NOC2L: variants seen among roughly 807,000 people sequenced by gnomAD.
NOC2L encodes the protein nucleolar complex protein 2 homolog.
In NOC2L, 101 loss-of-function variants were observed where a neutral mutation model predicts 94.2. That is an observed-to-expected ratio of 1.07 (90% CI 0.91 to 1.26). The LOEUF is 1.26. Ranked by LOEUF, NOC2L falls within the 50% of genes most tolerant of loss-of-function variation. NOC2L has a pLI of 0.00. For synonymous variants in NOC2L, 531 were observed against 413.4 expected (o/e 1.28, Z -3.45); for missense variants, 1,076 against 980.1 (o/e 1.10, Z -1.31).
chr1:958,878 G>C, intron 2 of NOC2L, 51 bp downstream of exon 2: 3 of 1,606,122 alleles, frequency 1.9e-6, no homozygotes, highest in Non-Finnish European at 1.7e-6. Flanking sequence ...CAACCCAACC[G>C]GGGTGGGACA....
chr1:947,752 G>A (rs375636801), intron 14 of NOC2L, among the ~76,000 whole-genome samples: 20 of 152,308 alleles, frequency 1.3e-4, no homozygotes, highest in African/African-American at 4.8e-4. Flanking sequence ...CCTGCCACCT[G>A]AGAAGCCACT....
At chr1:951,877 A>G (rs1198629514) in intron 11 of NOC2L, 123 bp downstream of exon 11, 5 of 1,116,068 alleles carry the variant, frequency 4.5e-6, no homozygotes, top group Non-Finnish European at 1.3e-6. Flanking sequence ...GCCCTTCCTC[A>G]GGGACGGCCA....
In NOC2L at chr1:951,993, A is replaced by G. The variant is rs1169341709; in HGVS notation, c.1331+7T>C. The G allele has an allele frequency of 3.1e-6, 5 of 1,610,448 alleles. No individual in the cohort carries two copies. The highest frequency in any genetic ancestry group is 1.1e-5 in the South Asian group (1 of 90,816). ...TCCCGCACAACCCTGCCCACCCCAC[A>G]ACTCACTTGATACAGCCAATGATGA... On this transcript the variant is annotated splice_region_variant and intron_variant, in intron 11 of 18. Coordinates refer to ENST00000327044, the MANE Select transcript of NOC2L (RefSeq NM_015658.4).
chr1:949,174 A>G (rs1487261067), intron 12 of NOC2L, among the ~76,000 whole-genome samples: 2 of 38,774 alleles, frequency 5.2e-5, no homozygotes, highest in African/African-American at 9.3e-5. Flanking sequence ...AGGAGCAGAG[A>G]AAGAGTCAGC....
chr1:958,887 C>G (rs780471909), intron 2 of NOC2L, 42 bp downstream of exon 2: 5 of 1,611,366 alleles, frequency 3.1e-6, no homozygotes, highest in Admixed American at 1.7e-5. Flanking sequence ...CGGGGTGGGA[C>G]AGGACGAGCA....
In NOC2L at chr1:946,485, G is replaced by A; in HGVS notation, c.1720C>T (p.Leu574Phe). 2.5e-6 allele frequency: 4 copies of A among 1,613,288 alleles called. No homozygotes were observed. In the South Asian group the frequency reaches 3.3e-5, roughly 13 times the overall value. ...GCCGAGTTCTCCTGAACCTTCCCAA[G>A]CAGCTGCTGCACCTGCCGGCAGTAG... is the stretch of plus-strand genomic sequence containing the variant. ...ANYCRQVQQL[L>F]GKVQENSAYI... Residue 574 changes from leucine to phenylalanine, a missense_variant, in exon 15 of 19, where the codon CTT becomes TTT. Leu to Phe is a conservative substitution (Grantham distance 22). This residue lies in a region of NOC2L where 615 missense variants were observed against 577.4 expected (regional missense o/e 1.07). Transcript: ENST00000327044.
intron 4 of NOC2L, 25 bp from the exon 5 acceptor site, chr1:956,240 C>A (rs192262159): frequency 0.015 from 23,589 of 1,610,356 alleles, 213 homozygotes; most frequent in Non-Finnish European, 0.018. Flanking sequence ...GTACCAGGGG[C>A]GTCAGGGGAG....
In NOC2L at chr1:953,272, C is replaced by T. The variant is rs1216007315; in HGVS notation, c.905G>A (p.Trp302Ter). 12 of 1,593,932 alleles carry T rather than the reference C, an allele frequency of 7.5e-6. No homozygotes were observed. Among genetic ancestry groups the T allele is most frequent in the Non-Finnish European group, 9.5e-6 (11 of 1,162,180 alleles). The part of the protein sequence containing the change: ...RMLLKRMVIV[W>*]STGEESLRVL... ...CCGCAGAGACTCTTCCCCAGTGCTCCATACGATCACCATTCTCTGCAGAAG... is the reference window on the plus strand; with the variant it reads ...CCGCAGAGACTCTTCCCCAGTGCTCTATACGATCACCATTCTCTGCAGAAG... The change falls in exon 9 of 19, where the codon TGG (tryptophan) becomes TAG (stop). Residue 302 changes from tryptophan (W) to a stop codon, truncating the protein, a stop_gained. Coordinates refer to ENST00000327044, the MANE Select transcript of NOC2L (RefSeq NM_015658.4). LOFTEE classifies it high-confidence loss of function.
intron 11 of NOC2L, 133 bp from the exon 12 acceptor site, chr1:951,371 C>T: frequency 1.5e-6 from 1 of 688,742 alleles, no homozygotes; most frequent in South Asian, 1.7e-5. Context: ...GTCTGAACCC[C>T]AGGGACCTGC....
At chr1:950,475 A>G (rs1642226536) in intron 12 of NOC2L, among the ~76,000 whole-genome samples, 1 of 148,580 alleles carries the variant, frequency 6.7e-6, no homozygotes, top group South Asian at 2.1e-4. Flanking sequence ...GCATACAGGT[A>G]CACACAGGTA....
At position 946,306 on chromosome 1, in the gene NOC2L, C is replaced by A. The variant is rs756341934; in HGVS notation, c.1804-20G>T. On this transcript the variant is annotated intron_variant, in intron 15 of 18. Coordinates refer to ENST00000327044, the MANE Select transcript of NOC2L (RefSeq NM_015658.4). Reference sequence around the variant, plus strand: ...GGCTTCCTGGGGGGTTGGGGGAGTTCAGGGTCATGCCTCACCCTGGGCAAA... The same window carrying A: ...GGCTTCCTGGGGGGTTGGGGGAGTTAAGGGTCATGCCTCACCCTGGGCAAA... 173 of 1,612,194 alleles carry A rather than the reference C, an allele frequency of 1.1e-4. No homozygotes were observed. The highest frequency in any genetic ancestry group is 1.4e-4 in the Non-Finnish European group (168 of 1,178,830).
chr1:950,978 G>T, intron 12 of NOC2L, 149 bp downstream of exon 12: 1 of 670,252 alleles, frequency 1.5e-6, no homozygotes, highest in Non-Finnish European at 2.7e-6. Flanking sequence ...CCCAGCACAC[G>T]GAGGAGCACT....
At chr1:950,799 CA>C (rs34136865) in intron 12 of NOC2L, among the ~76,000 whole-genome samples, 142,035 of 152,060 alleles carry the variant, frequency 0.93, 66,366 homozygotes, top group Non-Finnish European at 0.95. Context: ...CAGGGCAGGG[CA>C]CTGTTCAGTG....
intron 10 of NOC2L, 47 bp downstream of exon 10, chr1:952,365 G>C: frequency 6.2e-7 from 1 of 1,600,786 alleles, no homozygotes; most frequent in Non-Finnish European, 8.5e-7. Flanking sequence ...CACCTGGGCT[G>C]CCCCACCCCA....
chr1:945,245 T>C (rs1569931573), intron 17 of NOC2L, 99 bp from the exon 18 acceptor site: 1 of 1,413,904 alleles, frequency 7.1e-7, no homozygotes, highest in East Asian at 2.5e-5. Flanking sequence ...CCAACACCCT[T>C]CCCTCCGCTG....
At chr1:952,170 CCAGGCTGACAAGT>C (rs1557619894) in intron 10 of NOC2L, 31 bp from the exon 11 acceptor site, 1 of 1,611,558 alleles carries the variant, frequency 6.2e-7, no homozygotes, top group Admixed American at 1.7e-5. Context: ...CAGCTACTGG[CCAGGCTGACAAGT>C]CAGGCTGATG....
chr1:957,269 G>C lies in NOC2L; in HGVS notation c.184C>G (p.Arg62Gly), dbSNP rs373824797. The C allele has an allele frequency of 3.2e-5, 51 of 1,613,348 alleles. No individual in the cohort carries two copies. Among genetic ancestry groups the C allele is most frequent in the Non-Finnish European group, 3.8e-5 (45 of 1,179,860 alleles). ...KPGGSPSASR[R>G]KGRASEHKDQ... ...TTGTGCTCAGAGGCACGGCCTTTAC[G>C]CCGGCTGAGGAGGCAGAAGTCAGCG... Residue 62 changes from arginine to glycine, a missense_variant, in exon 3 of 19, where the codon CGT becomes GGT. Physicochemically the swap from Arg to Gly is moderately radical, Grantham distance 125 (BLOSUM62 -2). Around this residue, in one of 3 missense-constraint regions of NOC2L, gnomAD observed 457 missense variants for 386.0 expected, o/e 1.18. Transcript: ENST00000327044.
intron 6 of NOC2L, 198 bp from the exon 7 acceptor site, chr1:954,280 GCTC>G: frequency 1.8e-6 from 1 of 551,564 alleles, no homozygotes; most frequent in Non-Finnish European, 3.2e-6. Flanking sequence ...AAGTGCATTA[GCTC>G]CTCCTTCAGT....
At chr1:952,262 C>T in intron 10 of NOC2L, 123 bp from the exon 11 acceptor site, 3 of 1,397,436 alleles carry the variant, frequency 2.1e-6, no homozygotes, top group Non-Finnish European at 2.0e-6. Flanking sequence ...CCCATCCACC[C>T]TTCCCCCACC....
Sources: allele counts gnomAD v4.1 joint callset (sites outside exome capture counted in the v4.1 genomes callset), GRCh38; gene constraint gnomAD v4.1.1; regional missense constraint gnomAD v4.1.1; transcripts MANE v1.5; gene names NCBI Gene and HGNC (gene_info 2026-07-23, HGNC 2026-07-21).